OR5D3: variants seen among roughly 807,000 people sequenced by gnomAD.
OR5D3 encodes the protein olfactory receptor 5D3.
chr11:55,726,646 G>A, the OR5D3 span: 4 of 400,354 alleles, frequency 1.0e-5, no homozygotes, highest in Non-Finnish European at 1.8e-5. Flanking sequence ...CTCCTTGTTA[G>A]TGGCTGCATC....
chr11:55,726,208 T>C, the OR5D3 span: 1 of 398,936 alleles, frequency 2.5e-6, no homozygotes, highest in Admixed American at 4.4e-5. Context: ...CTTATTTTTT[T>C]CTCACAGGAT....
At chr11:55,728,875 G>A in the OR5D3 span, 1 of 151,966 alleles carries the variant, frequency 6.6e-6, no homozygotes, top group African/African-American at 2.4e-5. Context: ...TTTTAAAGCT[G>A]TGTGTATGTG....
At chr11:55,723,966 T>C in the OR5D3 span, 2 of 397,736 alleles carry the variant, frequency 5.0e-6, no homozygotes, top group Admixed American at 8.8e-5. Context: ...TTCTATTAAT[T>C]AAGTGCTAAG....
the OR5D3 span, chr11:55,727,122 GT>G: frequency 1.0e-5 from 4 of 399,698 alleles, no homozygotes; most frequent in East Asian, 1.4e-4. Flanking sequence ...CAGTCAGGAA[GT>G]TAGTCATTAC....
At chr11:55,728,802 G>T in the OR5D3 span, 1 of 151,946 alleles carries the variant, frequency 6.6e-6, no homozygotes, top group African/African-American at 2.4e-5. Flanking sequence ...AAAAGTAACA[G>T]AGGATTTACT....
the OR5D3 span, chr11:55,726,820 G>A: frequency 5.0e-6 from 2 of 398,952 alleles, no homozygotes; most frequent in Non-Finnish European, 8.8e-6. Context: ...TTTAGTTTCT[G>A]CAACATTCAA....
chr11:55,725,985 C>T, the OR5D3 span, among the ~76,000 whole-genome samples: 2 of 151,940 alleles, frequency 1.3e-5, no homozygotes, highest in African/African-American at 4.8e-5. Flanking sequence ...TTTGTTTTTC[C>T]TGTCTTAATT....
chr11:55,727,687 A>G, the OR5D3 span: 1 of 152,048 alleles, frequency 6.6e-6, no homozygotes, highest in African/African-American at 2.4e-5. Flanking sequence ...ATTATAAATT[A>G]TATTTTTCTT....
the OR5D3 span, chr11:55,728,220 C>T: frequency 6.7e-6 from 1 of 150,332 alleles, no homozygotes; most frequent in African/African-American, 2.5e-5. Context: ...CTTAACGTTC[C>T]TGTTTGGGTC....
the OR5D3 span, chr11:55,729,449 A>T: frequency 6.6e-6 from 1 of 152,154 alleles, no homozygotes; most frequent in South Asian, 2.1e-4. Flanking sequence ...ATATAGTTTA[A>T]TGCTCACTTC....
At chr11:55,726,088 AC>A in the OR5D3 span, 1 of 396,706 alleles carries the variant, frequency 2.5e-6, no homozygotes, top group Non-Finnish European at 4.4e-6. Context: ...GACAGTGGAA[AC>A]CTAGAATTTT....
At chr11:55,724,253 G>A in the OR5D3 span, among the ~76,000 whole-genome samples, 4 of 151,662 alleles carry the variant, frequency 2.6e-5, no homozygotes, top group African/African-American at 4.9e-5. Flanking sequence ...TTTCTCATTC[G>A]GCTCCCACCA....
At chr11:55,726,415 T>C in the OR5D3 span, 1 of 474,192 alleles carries the variant, frequency 2.1e-6, no homozygotes, top group Non-Finnish European at 3.9e-6. Flanking sequence ...CCACTTGTCC[T>C]TTGTTGATTT....
At chr11:55,726,933 G>T in the OR5D3 span, 5 of 399,404 alleles carry the variant, frequency 1.3e-5, no homozygotes, top group Non-Finnish European at 1.3e-5. Flanking sequence ...CGTTCTCCAC[G>T]TGTGCCTCCC....
chr11:55,725,464 C>T, the OR5D3 span, among the ~76,000 whole-genome samples: 1 of 151,976 alleles, frequency 6.6e-6, no homozygotes, highest in Non-Finnish European at 1.5e-5. Flanking sequence ...TGTTTGTCAC[C>T]TACCTGTCTT....
the OR5D3 span, chr11:55,723,787 G>A: frequency 1.2e-5 from 4 of 334,196 alleles, no homozygotes; most frequent in Non-Finnish European, 2.2e-5. Context: ...GGTCCCCAAG[G>A]CCTTGGGGGC....
chr11:55,723,879 G>A, the OR5D3 span: 1 of 378,846 alleles, frequency 2.6e-6, no homozygotes, highest in Middle Eastern at 6.7e-4. Flanking sequence ...TTTCTTAATA[G>A]GTTGGGTAAA....
At chr11:55,728,215 C>A in the OR5D3 span, 1 of 151,528 alleles carries the variant, frequency 6.6e-6, no homozygotes, top group African/African-American at 2.4e-5. Context: ...GCATACTTAA[C>A]GTTCCTGTTT....
At chr11:55,726,499 G>A in the OR5D3 span, 2 of 442,546 alleles carry the variant, frequency 4.5e-6, no homozygotes, top group Admixed American at 3.7e-5. Context: ...CTCCTTCACA[G>A]GATGCATCAT....
Sources: gnomAD v4.1 joint callset for allele counts (sites outside exome capture counted in the v4.1 genomes callset) on GRCh38, gnomAD v4.1.1 for gene constraint, MANE v1.5 for transcripts, NCBI Gene and HGNC (gene_info 2026-07-23, HGNC 2026-07-21) for gene names.